CEP72: variants seen among roughly 807,000 people sequenced by gnomAD.
CEP72 encodes centrosomal protein of 72 kDa.
In CEP72, 78 loss-of-function variants were observed where a neutral mutation model predicts 65.7. The ratio of observed to expected loss-of-function variants is 1.19; its 90% confidence interval spans 0.99 to 1.43. CEP72 has a LOEUF of 1.43. CEP72 is among the 40% of genes most tolerant of loss of function. CEP72 has a pLI of 0.00. For missense variants in CEP72, 914 were observed against 832.9 expected, an observed-to-expected ratio of 1.10 and a Z score of -1.20; for synonymous variants, 358 against 351.7, an observed-to-expected ratio of 1.02 and a Z score of -0.20.
rs369034431 is a variant in CEP72 at position 653,038 on chromosome 5, G to A, written c.1829G>A (p.Arg610Gln). The A allele has an allele frequency of 5.0e-6, 8 of 1,613,558 alleles. No individual in the cohort carries two copies. Among genetic ancestry groups the A allele is most frequent in the Non-Finnish European group, 5.9e-6 (7 of 1,179,930 alleles). Residue 610 changes from arginine to glutamine, a missense_variant, in exon 12 of 12, where the codon CGG becomes CAG. Physicochemically the swap from Arg to Gln is conservative, Grantham distance 43. Coordinates refer to ENST00000264935, the MANE Select transcript of CEP72 (RefSeq NM_018140.4). Reference protein sequence around the residue: ...EHLLQELSQVRAQHRAEVEQM... With the variant: ...EHLLQELSQVQAQHRAEVEQM... ...CTGCTGCAGGAGCTGAGCCAGGTGC[G>A]GGCGCAGCACAGAGCCGAGGTGGAG...
At chr5:619,554 G>C (rs1160101631) in intron 2 of CEP72, among the ~76,000 whole-genome samples, 1 of 151,982 alleles carries the variant, frequency 6.6e-6, no homozygotes, top group Non-Finnish European at 1.5e-5. Flanking sequence ...TGCATGGCCT[G>C]ATTGGCCCGG....
intron 9 of CEP72, chr5:643,999 C>T (rs1466376057): frequency 3.1e-6 from 1 of 321,568 alleles, no homozygotes; most frequent in East Asian, 7.7e-5. Flanking sequence ...CAGCATCAGG[C>T]CTGCAGGTCC....
At chr5:668,766 C>G (rs114036931), downstream of CEP72, among the ~76,000 whole-genome samples, 1,810 of 152,342 alleles carry the variant, frequency 0.012, 43 homozygotes, top group African/African-American at 0.042. Context: ...GTCACCAAAC[C>G]CCAAACAATC....
intron 10 of CEP72, among the ~76,000 whole-genome samples, chr5:646,167 G>C (rs1319313944): frequency 1.3e-5 from 2 of 152,264 alleles, no homozygotes; most frequent in Non-Finnish European, 2.9e-5. Flanking sequence ...AGAACCATCA[G>C]TGCGAAGCGA....
chr5:635,152 G>T (rs1737499919), intron 5 of CEP72, among the ~76,000 whole-genome samples: 1 of 152,174 alleles, frequency 6.6e-6, no homozygotes, highest in South Asian at 2.1e-4. Flanking sequence ...GATTCTTGCA[G>T]CCTTGTCCTG....
intron 9 of CEP72, chr5:641,732 C>T: frequency 1.0e-6 from 1 of 984,076 alleles, no homozygotes; most frequent in Non-Finnish European, 1.2e-6. Context: ...CACACATGGC[C>T]CCCCATCCCC....
downstream of CEP72, among the ~76,000 whole-genome samples, chr5:667,868 A>G (rs374577667): frequency 4.4e-4 from 36 of 81,852 alleles, no homozygotes; most frequent in African/African-American, 1.6e-3. Context: ...TCAGGGAAGT[A>G]CCGACAAGCA....
intron 2 of CEP72, 106 bp downstream of exon 2, chr5:619,223 A>G (rs914027828): frequency 4.2e-6 from 4 of 952,408 alleles, no homozygotes; most frequent in South Asian, 3.2e-5. Flanking sequence ...TTACATCTGT[A>G]TACGGTACAC....
chr5:648,815 G>A (rs1738648498), intron 11 of CEP72, among the ~76,000 whole-genome samples: 1 of 132,592 alleles, frequency 7.5e-6, no homozygotes, highest in Non-Finnish European at 1.6e-5. Flanking sequence ...GGACTGTGAG[G>A]TGTGACTGTG....
chr5:666,039 G>C (rs761937617), exon 4 of CEP72: 8 of 1,611,386 alleles, frequency 5.0e-6, no homozygotes, highest in Non-Finnish European at 6.8e-6. Flanking sequence ...CCTCCTCGCT[G>C]CTCTTGTCTT....
chr5:656,483 C>T (rs543557522), downstream of CEP72, among the ~76,000 whole-genome samples: 3 of 151,694 alleles, frequency 2.0e-5, no homozygotes, highest in East Asian at 1.9e-4. Context: ...ATACTTTTCA[C>T]AGTGGTCTTG....
chr5:626,041 TG>T (rs11325512), intron 4 of CEP72, among the ~76,000 whole-genome samples: 119,492 of 145,586 alleles, frequency 0.82, 47,478 homozygotes, highest in African/African-American at 0.84. Context: ...GTCTTTTGGG[TG>T]GGGGGCAGGG....
chr5:672,225 G>T, the CEP72 span, among the ~76,000 whole-genome samples: 1 of 152,166 alleles, frequency 6.6e-6, no homozygotes, highest in Admixed American at 6.5e-5. Context: ...GGGTGTACCA[G>T]GCTCAGCAGC....
chr5:668,709 C>T (rs1235565981), downstream of CEP72, among the ~76,000 whole-genome samples: 1 of 152,268 alleles, frequency 6.6e-6, no homozygotes, highest in African/African-American at 2.4e-5. Context: ...GAAATGAAAA[C>T]AGAGGCTCAC....
chr5:612,394 C>A lies in CEP72; in HGVS notation c.33C>A (p.Ser11Arg). 6.7e-7 allele frequency: 1 copy of A among 1,489,396 alleles called. No homozygotes were observed. Among genetic ancestry groups the A allele is most frequent in the East Asian group, 2.9e-5 (1 of 34,714 alleles). The allele number at this position is 1,489,396 out of a possible 1,614,324, so 92.3% of individuals were successfully genotyped here. ...GGGCTGGCCCTCGGCTGGTGCTGAG[C>A]GAGGAGGCGGTTCGGGCGAAGAGCG... MARAGPRLVL[S>R]EEAVRAKSGL... Residue 11 changes from serine (S) to arginine (R), a missense_variant, in exon 1 of 12, where the codon AGC becomes AGA. Coordinates refer to ENST00000264935, the MANE Select transcript of CEP72 (RefSeq NM_018140.4).
At position 635,591 on chromosome 5, in the gene CEP72, A is replaced by C; in HGVS notation, c.904+7A>C. On this transcript the variant is annotated splice_region_variant and intron_variant, in intron 6 of 11. Coordinates refer to ENST00000264935, the MANE Select transcript of CEP72 (RefSeq NM_018140.4). ...TACTTCACCCCACACCCAGGTACTT[A>C]CGCGTGTCTTAGTCTGTTTTCTGTT... The C allele has an allele frequency of 1.2e-6, 2 of 1,603,064 alleles. No homozygotes were observed. The highest frequency in any genetic ancestry group is 1.7e-6 in the Non-Finnish European group (2 of 1,170,732).
chr5:654,448 T>C (rs1739314297), downstream of CEP72, among the ~76,000 whole-genome samples: 1 of 144,380 alleles, frequency 6.9e-6, no homozygotes, highest in Non-Finnish European at 1.5e-5. Context: ...TGTGTGTGTG[T>C]GTGCTTCTGT....
At chr5:643,668 A>G in intron 9 of CEP72, 1 of 985,308 alleles carries the variant, frequency 1.0e-6, no homozygotes, top group Admixed American at 6.1e-5. Context: ...AGCAGCAGCC[A>G]GGTGAGACGG....
chr5:616,431 T>G (rs1253554572), intron 1 of CEP72, among the ~76,000 whole-genome samples: 3 of 152,358 alleles, frequency 2.0e-5, no homozygotes, highest in Admixed American at 2.0e-4. Context: ...AAATCCTTGT[T>G]AGACCTAAGT....
Sources: allele counts gnomAD v4.1 joint callset (sites outside exome capture counted in the v4.1 genomes callset), GRCh38; gene constraint gnomAD v4.1.1; transcripts MANE v1.5; gene names NCBI Gene and HGNC (gene_info 2026-07-23, HGNC 2026-07-21).